KDM4C: variants seen among roughly 807,000 people sequenced by gnomAD.
KDM4C encodes the protein lysine demethylase 4C.
A neutral mutation model predicts 129.3 loss-of-function variants in KDM4C; 81 were observed. The ratio of observed to expected loss-of-function variants is 0.63; its 90% CI spans 0.52 to 0.75. KDM4C has a LOEUF of 0.75. Among genes scored for constraint, KDM4C ranks in the 30% least tolerant of loss-of-function variants. KDM4C has a pLI of 0.00. For synonymous variants in KDM4C, 573 were observed against 456.1 expected (o/e 1.26, Z -3.26); for missense variants, 1,457 against 1,304.0 (o/e 1.12, Z -1.81).
At chr9:6,779,030 G>GTTTTTTTTTTT (rs1563985369) in intron 1 of KDM4C, among the ~76,000 whole-genome samples, 20 of 59,680 alleles carry the variant, frequency 3.4e-4, no homozygotes, top group South Asian at 2.6e-3. Flanking sequence ...CCTGATTAAA[G>GTTTTTTTTTTT]TCTTTTTTTT....
At chr9:7,096,757 A>G (rs1343773945) in intron 17 of KDM4C, among the ~76,000 whole-genome samples, 1 of 152,182 alleles carries the variant, frequency 6.6e-6, no homozygotes, top group Non-Finnish European at 1.5e-5. Flanking sequence ...ATTTCCACTA[A>G]AGATCATGCT....
chr9:6,727,803 G>T (rs2130194737), intron 1 of KDM4C, among the ~76,000 whole-genome samples: 1 of 148,326 alleles, frequency 6.7e-6, no homozygotes, highest in African/African-American at 2.5e-5. Flanking sequence ...CTACTCATAA[G>T]ATTTCAGGGT....
At chr9:7,020,424 T>G (rs908097189) in intron 15 of KDM4C, among the ~76,000 whole-genome samples, 1 of 152,256 alleles carries the variant, frequency 6.6e-6, no homozygotes. Flanking sequence ...GTTTGACTTA[T>G]GGCTTATAAA....
chr9:7,023,412 C>T (rs751246220), intron 15 of KDM4C, among the ~76,000 whole-genome samples: 1 of 151,948 alleles, frequency 6.6e-6, no homozygotes, highest in Admixed American at 6.6e-5. Flanking sequence ...TTAGATTTTC[C>T]TATTTATTGG....
At chr9:7,164,661 G>A (rs188653436) in intron 19 of KDM4C, among the ~76,000 whole-genome samples, 119 of 152,238 alleles carry the variant, frequency 7.8e-4, no homozygotes, top group Non-Finnish European at 1.0e-3. Context: ...AAGTCCTACC[G>A]GCTTCAATCG....
intron 17 of KDM4C, among the ~76,000 whole-genome samples, chr9:7,056,592 G>A (rs1052293862): frequency 6.6e-6 from 1 of 152,146 alleles, no homozygotes; most frequent in Non-Finnish European, 1.5e-5. Context: ...TGTTACTATG[G>A]ATTTTTCTTT....
chr9:6,979,937 T>C (rs1019235297), intron 8 of KDM4C, among the ~76,000 whole-genome samples: 4 of 152,182 alleles, frequency 2.6e-5, no homozygotes, highest in Non-Finnish European at 5.9e-5. Flanking sequence ...TAATTTTAGG[T>C]ATTTTGAATG....
chr9:7,036,265 C>T (rs1827630327), intron 15 of KDM4C, among the ~76,000 whole-genome samples: 3 of 152,046 alleles, frequency 2.0e-5, no homozygotes, highest in Admixed American at 2.0e-4. Flanking sequence ...TGTCAGTGGT[C>T]ATGCTGGGAA....
At chr9:6,865,314 A>G (rs914643241) in intron 5 of KDM4C, among the ~76,000 whole-genome samples, 1 of 152,016 alleles carries the variant, frequency 6.6e-6, no homozygotes, top group Non-Finnish European at 1.5e-5. Context: ...CGTCTTTGTT[A>G]AATTTCTTTG....
chr9:6,826,599 C>T (rs1833922990), intron 4 of KDM4C, among the ~76,000 whole-genome samples: 1 of 152,138 alleles, frequency 6.6e-6, no homozygotes, highest in Non-Finnish European at 1.5e-5. Flanking sequence ...GGCGCGGTGG[C>T]TTATGCCTGT....
At chr9:6,736,289 T>C (rs1817525509) in intron 1 of KDM4C, among the ~76,000 whole-genome samples, 1 of 152,126 alleles carries the variant, frequency 6.6e-6, no homozygotes, top group South Asian at 2.1e-4. Context: ...ATGCAGAAAT[T>C]TGCATAAGTA....
chr9:6,837,215 A>G (rs544924401), intron 4 of KDM4C, among the ~76,000 whole-genome samples: 1 of 151,988 alleles, frequency 6.6e-6, no homozygotes, highest in African/African-American at 2.4e-5. Context: ...GCACCATCAT[A>G]CCCAACTAAT....
chr9:6,897,472 G>T (rs1475789111), intron 8 of KDM4C, among the ~76,000 whole-genome samples: 3 of 152,160 alleles, frequency 2.0e-5, no homozygotes, highest in South Asian at 2.1e-4. Flanking sequence ...GAACAAAAGG[G>T]CCTTGCATTT....
At chr9:6,863,368 AAG>A (rs1360125951) in intron 5 of KDM4C, among the ~76,000 whole-genome samples, 3 of 152,084 alleles carry the variant, frequency 2.0e-5, no homozygotes, top group Admixed American at 1.3e-4. Context: ...ATAAAGAAAA[AAG>A]ATTTATTTGG....
intron 19 of KDM4C, among the ~76,000 whole-genome samples, chr9:7,134,905 T>C (rs1159741034): frequency 6.6e-6 from 1 of 152,216 alleles, no homozygotes; most frequent in Non-Finnish European, 1.5e-5. Context: ...TGCCTTTCAC[T>C]GGGGTCCTGA....
intron 3 of KDM4C, among the ~76,000 whole-genome samples, chr9:6,808,437 G>A (rs1588423374): frequency 1.7e-5 from 2 of 115,688 alleles, no homozygotes; most frequent in East Asian, 4.7e-4. Context: ...GTCCACTCAG[G>A]GTTAAATGGA....
intron 18 of KDM4C, among the ~76,000 whole-genome samples, chr9:7,123,172 A>AT (rs1045236313): frequency 5.3e-5 from 8 of 152,116 alleles, no homozygotes; most frequent in African/African-American, 1.9e-4. Context: ...TATACTGGCC[A>AT]TTTTTCTAAC....
rs187468606 is a variant in KDM4C, at chr9:7,068,643, T to A, written c.2424+19443T>A. On this transcript the variant is annotated intron_variant, in intron 17 of 21. Transcript: ENST00000381309. ...ACCTGGTTTTGGTTTCTTTGCTGGC[T>A]CCTTTTCTTCTGTCTATTTCATACA... 3.3e-5 allele frequency among the ~76,000 whole-genome samples: 5 copies of A among 150,874 alleles called. No homozygotes were observed. The East Asian group carries it at 9.7e-4, about 29-fold the overall frequency.
At chr9:6,901,869 T>C (rs1589014101) in intron 8 of KDM4C, among the ~76,000 whole-genome samples, 1 of 152,214 alleles carries the variant, frequency 6.6e-6, no homozygotes, top group African/African-American at 2.4e-5. Flanking sequence ...AGTTTCTGTA[T>C]AGTGGCGCTT....
Sources: gnomAD v4.1 joint callset for allele counts (sites outside exome capture counted in the v4.1 genomes callset) on GRCh38, gnomAD v4.1.1 for gene constraint, MANE v1.5 for transcripts, NCBI Gene and HGNC (gene_info 2026-07-23, HGNC 2026-07-21) for gene names.